Variants in DCP1A observed in about 807,000 individuals in gnomAD.
The protein encoded by DCP1A is mRNA-decapping enzyme 1A.
In DCP1A, 20 loss-of-function variants were observed where a neutral mutation model predicts 58.0. The ratio of observed to expected loss-of-function variants is 0.34; its 90% CI spans 0.24 to 0.50. The LOEUF (loss-of-function observed/expected upper bound fraction) is 0.50, where lower values mean the gene tolerates loss of function less well. Among genes scored for constraint, DCP1A ranks in the 20% least tolerant of loss-of-function variants. The probability of loss-of-function intolerance (pLI) is 0.98; values close to 1 mark genes in which losing one functional copy is unlikely to be tolerated. For synonymous variants in DCP1A, 285 were observed against 275.1 expected (o/e 1.04, Z -0.36); for missense variants, 613 against 712.2 (o/e 0.86, Z 1.59).
At chr3:53,304,123 C>G in intron 6 of DCP1A, 54 bp downstream of exon 6, 1 of 1,354,554 alleles carries the variant, frequency 7.4e-7, no homozygotes, top group African/African-American at 1.5e-5. Context: ...AGAATCCTTA[C>G]TGAATGTTAC....
chr3:53,290,789 A>C lies in DCP1A; in HGVS notation c.1449+2T>G, dbSNP rs781946117. ...AAAAAAAAAAAAAAAGCGAGTCCTT[A>C]CCGGGATGGCACTGGATAACACCTT... On this transcript the variant is annotated splice_donor_variant, in intron 8 of 9. Coordinates refer to ENST00000610213, the MANE Select transcript of DCP1A (RefSeq NM_018403.7). LOFTEE classifies it high-confidence loss of function. The C allele has an allele frequency of 2.2e-6, 3 of 1,344,274 alleles. No homozygotes were observed. The South Asian group carries it at 3.7e-5, about 16-fold the overall frequency. 83.3% of individuals were successfully genotyped at this position (1,344,274 alleles called of 1,614,324 possible). A position where few individuals can be genotyped will look rare whatever the true frequency, so the allele number is the denominator to read the frequency against.
chr3:53,291,430 AT>A lies in DCP1A; in HGVS notation c.1384-575del, dbSNP rs1262290309. On this transcript the variant is annotated intron_variant, in intron 7 of 9. Coordinates refer to ENST00000610213, the MANE Select transcript of DCP1A (RefSeq NM_018403.7). ...ATTAAATACAGGTCTTATTCATTCT[AT>A]TTTTTTTTTTTTGTATGCATTCACC... Among the ~76,000 whole-genome samples the A allele has an allele frequency of 2.5e-3, 354 of 141,934 alleles. 1 individual carries two copies. Among genetic ancestry groups the A allele is most frequent in the African/African-American group, 4.2e-3 (163 of 38,948 alleles). 93.1% of individuals were successfully genotyped at this position (141,934 alleles called of 152,430 possible). A position where few individuals can be genotyped will look rare whatever the true frequency, so the allele number is the denominator to read the frequency against.
chr3:53,292,255 C>T lies in DCP1A; in HGVS notation c.1197G>A (p.Arg399=), dbSNP rs200771673. ...LPSVDLLQKL[R]LTPQHDQIQT... is the part of the protein sequence containing the mutation. ...GTATTTGGTCATGCTGTGGGGTCAACCTGAGTTTCTGGAGAAGATCAACGC... is the reference window on the plus strand; with the variant it reads ...GTATTTGGTCATGCTGTGGGGTCAATCTGAGTTTCTGGAGAAGATCAACGC... The change falls in exon 7 of 10, where the codon AGG becomes AGA. Residue 399 remains arginine (R), a synonymous_variant. Coordinates refer to ENST00000610213, the MANE Select transcript of DCP1A (RefSeq NM_018403.7). 3.7e-6 allele frequency: 6 copies of T among 1,613,986 alleles called. No homozygotes were observed. The highest frequency in any genetic ancestry group is 5.1e-6 in the Non-Finnish European group (6 of 1,179,894).
chr3:53,292,994 C>A (rs1244170627), intron 6 of DCP1A, among the ~76,000 whole-genome samples, 167 bp from the exon 7 acceptor site: 5 of 152,104 alleles, frequency 3.3e-5, no homozygotes, highest in African/African-American at 1.2e-4. Context: ...CCAGGTTCAT[C>A]TAGTGTCCCC....
intron 3 of DCP1A, chr3:53,329,573 T>G (rs547866432): frequency 3.6e-5 from 14 of 385,710 alleles, no homozygotes; most frequent in Non-Finnish European, 6.4e-5. Context: ...TGACATTAAC[T>G]CCTTTTTAAG....
rs535643134 is a variant in DCP1A, at chr3:53,333,588, G to A, written c.304+8556C>T. ...GGAGGCCAAGGTGGGAGGATCACTT[G>A]TGGCCAGGAGGTCGAGACAGCCTGG... On this transcript the variant is annotated intron_variant, in intron 3 of 9. Coordinates refer to ENST00000610213, the MANE Select transcript of DCP1A (RefSeq NM_018403.7). 2.6e-5 allele frequency among the ~76,000 whole-genome samples: 4 copies of A among 152,082 alleles called. No individual in the cohort carries two copies. The South Asian group carries it at 8.3e-4, about 32-fold the overall frequency.
intron 2 of DCP1A, among the ~76,000 whole-genome samples, chr3:53,343,108 T>G (rs2089238595): frequency 6.6e-6 from 1 of 152,240 alleles, no homozygotes; most frequent in African/African-American, 2.4e-5. Context: ...GTTTTTCATT[T>G]GTTTCTCTAC....
intron 5 of DCP1A, among the ~76,000 whole-genome samples, 163 bp from the exon 6 acceptor site, chr3:53,304,453 A>G (rs1707407528): frequency 6.6e-6 from 1 of 152,230 alleles, no homozygotes; most frequent in South Asian, 2.1e-4. Context: ...ATAACATGCA[A>G]TAAAATTTCT....
chr3:53,306,859 A>G (rs1330303842), intron 5 of DCP1A, among the ~76,000 whole-genome samples: 1 of 150,724 alleles, frequency 6.6e-6, no homozygotes, highest in Non-Finnish European at 1.5e-5. Flanking sequence ...TTAAGGCTGC[A>G]GCAAGCTATG....
chr3:53,323,338 G>T (rs1224623640), intron 3 of DCP1A, among the ~76,000 whole-genome samples: 1 of 152,194 alleles, frequency 6.6e-6, no homozygotes. Flanking sequence ...TCTACTGCAG[G>T]TTCTTAGTTA....
At position 53,287,024 on chromosome 3, in the gene DCP1A, G is replaced by A. The variant is rs1706660304; in HGVS notation, c.*556C>T. 1 of 152,238 alleles carries A rather than the reference G, an allele frequency of 6.6e-6. No individual in the cohort carries two copies. The highest frequency in any genetic ancestry group is 2.4e-5 in the African/African-American group (1 of 41,436). 9.4% of individuals were successfully genotyped at this position (152,238 alleles called of 1,614,324 possible). On this transcript the variant is annotated 3_prime_UTR_variant, in exon 10 of 10. Transcript: ENST00000610213. ...TCACAACTTTTAAGGCCCAAATGGG[G>A]CATTCATATAAAATATACTTCACTT...
intron 4 of DCP1A, among the ~76,000 whole-genome samples, chr3:53,318,697 T>C (rs370058460): frequency 1.1e-3 from 162 of 152,298 alleles, no homozygotes; most frequent in African/African-American, 3.6e-3. Flanking sequence ...CTTTAGAACA[T>C]TAATTCAAGG....
chr3:53,316,596 CT>C (rs11351636), intron 4 of DCP1A, among the ~76,000 whole-genome samples: 47,342 of 112,070 alleles, frequency 0.42, 10,360 homozygotes, highest in African/African-American at 0.58. Flanking sequence ...TTCTTCTTCC[CT>C]TTTTTTTTTT....
chr3:53,301,376 A>G (rs1553687394), intron 6 of DCP1A, among the ~76,000 whole-genome samples: 1 of 151,796 alleles, frequency 6.6e-6, no homozygotes, highest in African/African-American at 2.4e-5. Context: ...GGTTCAAGCG[A>G]TTCTCGTGCC....
intron 6 of DCP1A, among the ~76,000 whole-genome samples, chr3:53,299,499 C>T (rs1707243463): frequency 6.6e-6 from 1 of 152,182 alleles, no homozygotes; most frequent in Non-Finnish European, 1.5e-5. Flanking sequence ...CACTCCTCAT[C>T]CCACGGAGAA....
chr3:53,287,714 T>C, intron 9 of DCP1A, 54 bp from the exon 10 acceptor site: 1 of 1,304,094 alleles, frequency 7.7e-7, no homozygotes, highest in Non-Finnish European at 1.1e-6. Context: ...CCTCATCAGA[T>C]TTTACTTCCT....
At chr3:53,287,925 G>T in intron 9 of DCP1A, 140 bp downstream of exon 9, 1 of 839,992 alleles carries the variant, frequency 1.2e-6, no homozygotes, top group Non-Finnish European at 1.8e-6. Flanking sequence ...ATAGTGCTGG[G>T]ATTACAGGTG....
At position 53,347,479 on chromosome 3, in the gene DCP1A, T is replaced by A; in HGVS notation, c.39A>T (p.Leu13=). The A allele has an allele frequency of 6.2e-7, 1 of 1,613,478 alleles. No individual in the cohort carries two copies. Among genetic ancestry groups the A allele is most frequent in the Non-Finnish European group, 8.5e-7 (1 of 1,179,574 alleles). Residue 13 remains leucine, a synonymous_variant, in exon 1 of 10, where the codon CTA becomes CTT. Transcript: ENST00000610213. ...AGGGGTCGTGTTGCTTCAGGGCCGC[T>A]AGGCTCATCTCCTGCCCAGCTCGAC... is the stretch of plus-strand genomic sequence containing the variant. ...ALSRAGQEMS[L]AALKQHDPYI...
At chr3:53,315,741 G>GTTTT (rs1553689168) in intron 4 of DCP1A, among the ~76,000 whole-genome samples, 12 of 75,640 alleles carry the variant, frequency 1.6e-4, no homozygotes, top group Admixed American at 5.5e-4. Context: ...AAATCAGTTT[G>GTTTT]TTGTTTTTTT....
Sources: allele counts gnomAD v4.1 joint callset (sites outside exome capture counted in the v4.1 genomes callset), GRCh38; gene constraint gnomAD v4.1.1; transcripts MANE v1.5; gene names NCBI Gene and HGNC (gene_info 2026-07-23, HGNC 2026-07-21).